Variants in VSNL1 observed in about 807,000 individuals in gnomAD.
VSNL1 encodes the protein visinin-like protein 1.
A neutral mutation model predicts 20.4 loss-of-function variants in VSNL1; 6 were observed. The ratio of observed to expected loss-of-function variants is 0.29; its 90% CI spans 0.16 to 0.58. The LOEUF is 0.58. Among genes scored for constraint, VSNL1 ranks in the 20% least tolerant of loss-of-function variants. The pLI is 0.90. For synonymous variants in VSNL1, 93 were observed against 86.4 expected, an observed-to-expected ratio of 1.08 and a Z score of -0.42; for missense variants, 100 against 234.5, an observed-to-expected ratio of 0.43 and a Z score of 3.75.
intron 2 of VSNL1, among the ~76,000 whole-genome samples, chr2:17,629,943 C>T (rs557907799): frequency 6.6e-6 from 1 of 152,104 alleles, no homozygotes; most frequent in South Asian, 2.1e-4. Context: ...CTCGGAATGG[C>T]GAGTGCATGC....
chr2:17,626,864 C>T (rs568519552), intron 2 of VSNL1, among the ~76,000 whole-genome samples: 4 of 152,314 alleles, frequency 2.6e-5, no homozygotes, highest in East Asian at 1.9e-4. Flanking sequence ...TGAAGAACTG[C>T]GGCTCTCAGA....
chr2:17,650,864 C>T (rs1666109446), intron 3 of VSNL1, among the ~76,000 whole-genome samples: 1 of 152,238 alleles, frequency 6.6e-6, no homozygotes, highest in Non-Finnish European at 1.5e-5. Flanking sequence ...CTTCTATCTT[C>T]AATGCCCACT....
chr2:17,617,644 G>A (rs772839445), intron 2 of VSNL1, among the ~76,000 whole-genome samples: 14 of 152,110 alleles, frequency 9.2e-5, no homozygotes, highest in Admixed American at 2.0e-4. Flanking sequence ...AGCCAGGGTG[G>A]GACCCTGCCA....
intron 2 of VSNL1, among the ~76,000 whole-genome samples, chr2:17,643,019 C>T (rs967663803): frequency 3.3e-5 from 5 of 151,510 alleles, no homozygotes; most frequent in Admixed American, 1.3e-4. Context: ...TGGGGGTGGG[C>T]GAGGGTGTCC....
chr2:17,645,809 G>C (rs1172876252), intron 2 of VSNL1, among the ~76,000 whole-genome samples: 2 of 151,648 alleles, frequency 1.3e-5, no homozygotes, highest in African/African-American at 2.4e-5. Flanking sequence ...TCTTCTGCAG[G>C]TTGTTCGGTT....
intron 1 of VSNL1, among the ~76,000 whole-genome samples, chr2:17,579,334 G>T (rs1296763885): frequency 6.6e-6 from 1 of 151,942 alleles, no homozygotes; most frequent in Non-Finnish European, 1.5e-5. Context: ...CCAGGATAGT[G>T]TCGATCTCCT....
At chr2:17,565,900 C>T (rs978574864) in intron 1 of VSNL1, among the ~76,000 whole-genome samples, 1 of 152,114 alleles carries the variant, frequency 6.6e-6, no homozygotes, top group Non-Finnish European at 1.5e-5. Context: ...ATGAGATCTG[C>T]TGGTTTTATA....
intron 2 of VSNL1, among the ~76,000 whole-genome samples, chr2:17,603,478 C>T (rs545913485): frequency 6.6e-6 from 1 of 152,166 alleles, no homozygotes; most frequent in Non-Finnish European, 1.5e-5. Context: ...TAGGTTTCAA[C>T]ATGTGAATGT....
chr2:17,570,518 GTAT>G (rs978010624), intron 1 of VSNL1, among the ~76,000 whole-genome samples: 2 of 152,116 alleles, frequency 1.3e-5, no homozygotes, highest in African/African-American at 4.8e-5. Context: ...CTATGGATTG[GTAT>G]TATTTGAAAA....
At chr2:17,545,013 T>C (rs1663375913) in intron 1 of VSNL1, among the ~76,000 whole-genome samples, 1 of 152,176 alleles carries the variant, frequency 6.6e-6, no homozygotes, top group Non-Finnish European at 1.5e-5. Flanking sequence ...GAAATTTTTT[T>C]ATCTTAAAGA....
At position 17,650,829 on chromosome 2, in the gene VSNL1, CTCT is replaced by C. The variant is rs574184415; in HGVS notation, c.378+1211_378+1213del. On this transcript the variant is annotated intron_variant, in intron 3 of 3. Coordinates refer to ENST00000295156, the MANE Select transcript of VSNL1 (RefSeq NM_003385.5). The stretch of plus-strand genomic sequence containing the variant: ...CACCCTCTCATTCCACATCTTCAGT[CTCT>C]TCTTCTCCGTTGGCTTCTCCCCTTC... Among the ~76,000 whole-genome samples, 9 of 152,384 alleles carry C rather than the reference CTCT, an allele frequency of 5.9e-5. No homozygotes were observed. In the East Asian group the frequency reaches 1.3e-3, roughly 23 times the overall value.
intron 2 of VSNL1, among the ~76,000 whole-genome samples, chr2:17,612,549 A>G (rs921510090): frequency 1.7e-4 from 26 of 152,230 alleles, no homozygotes; most frequent in Non-Finnish European, 2.9e-4. Flanking sequence ...ATGCAAGGTC[A>G]TCTACAGAAG....
intron 1 of VSNL1, among the ~76,000 whole-genome samples, chr2:17,584,984 A>C (rs1279829472): frequency 4.6e-5 from 7 of 152,230 alleles, no homozygotes; most frequent in Non-Finnish European, 1.0e-4. Context: ...TTTGGCAAAC[A>C]GAACTCTTGT....
At chr2:17,644,229 C>T (rs1665946241) in intron 2 of VSNL1, among the ~76,000 whole-genome samples, 1 of 152,206 alleles carries the variant, frequency 6.6e-6, no homozygotes, top group Admixed American at 6.5e-5. Flanking sequence ...GGCATATGGT[C>T]AGCATCTAAG....
chr2:17,654,126 A>G (rs938855228), intron 3 of VSNL1, among the ~76,000 whole-genome samples: 2 of 152,200 alleles, frequency 1.3e-5, no homozygotes, highest in South Asian at 2.1e-4. Flanking sequence ...CACTTGTGTC[A>G]TTTCCACATT....
At chr2:17,564,330 T>C (rs923801748) in intron 1 of VSNL1, among the ~76,000 whole-genome samples, 1 of 152,208 alleles carries the variant, frequency 6.6e-6, no homozygotes, top group Non-Finnish European at 1.5e-5. Flanking sequence ...TATGTCTGGA[T>C]AGATGGCCAA....
chr2:17,617,270 AG>A (rs1231613142), intron 2 of VSNL1, among the ~76,000 whole-genome samples: 1 of 152,204 alleles, frequency 6.6e-6, no homozygotes, highest in Non-Finnish European at 1.5e-5. Flanking sequence ...CAAGGTGGGC[AG>A]ATCCCCTGAG....
At chr2:17,621,139 CAG>C (rs1248217022) in intron 2 of VSNL1, among the ~76,000 whole-genome samples, 7 of 152,310 alleles carry the variant, frequency 4.6e-5, no homozygotes, top group African/African-American at 1.7e-4. Flanking sequence ...TATCACTTAA[CAG>C]GGAATCTCAC....
chr2:17,640,691 TTTTTC>T (rs1408365468), intron 2 of VSNL1, among the ~76,000 whole-genome samples: 3 of 152,210 alleles, frequency 2.0e-5, no homozygotes, highest in Admixed American at 6.5e-5. Flanking sequence ...CACTTCTTTT[TTTTTC>T]TTTTATTTTT....
Sources: allele counts gnomAD v4.1 joint callset (sites outside exome capture counted in the v4.1 genomes callset), GRCh38; gene constraint gnomAD v4.1.1; transcripts MANE v1.5; gene names NCBI Gene and HGNC (gene_info 2026-07-23, HGNC 2026-07-21).